The following RORA variants were observed in gnomAD, a reference collection of about 807,000 sequenced individuals.
The protein encoded by RORA is nuclear receptor ROR-alpha.
In RORA, 7 loss-of-function variants were observed where a neutral mutation model predicts 69.5. The ratio of observed to expected loss-of-function variants is 0.10; its 90% CI spans 0.06 to 0.19. RORA has a LOEUF of 0.19. RORA is among the 10% of genes least tolerant of loss of function. The probability of loss-of-function intolerance (pLI) is 1.00; values close to 1 mark genes in which losing one functional copy is unlikely to be tolerated. For synonymous variants in RORA, 261 were observed against 240.8 expected (o/e 1.08, Z -0.78); for missense variants, 457 against 663.0 (o/e 0.69, Z 3.41).
chr15:60,828,588 G>C (rs1321480032), intron 1 of RORA, among the ~76,000 whole-genome samples: 1 of 152,220 alleles, frequency 6.6e-6, no homozygotes, highest in Non-Finnish European at 1.5e-5. Context: ...GCACCACTCT[G>C]CCTGGTTCAG....
At chr15:60,595,901 G>A (rs1013457919) in intron 2 of RORA, among the ~76,000 whole-genome samples, 1 of 152,162 alleles carries the variant, frequency 6.6e-6, no homozygotes, top group African/African-American at 2.4e-5. Flanking sequence ...TGGTGTTCCT[G>A]TGTGCTGGGT....
Position 60,588,113 on chromosome 15 carries a change from C to A in RORA, c.197-56262G>T, listed in dbSNP as rs28375136. Among the ~76,000 whole-genome samples, 521 of 152,244 alleles carry A rather than the reference C, an allele frequency of 3.4e-3. 6 individuals carry two copies. Among genetic ancestry groups the A allele is most frequent in the African/African-American group, 0.011 (455 of 41,558 alleles). Reference sequence around the variant, plus strand: ...ATTCCTCAGAGGGTCTGTATGTGGTCTTTGAGATACTATCAAATGTCAATT... The same window carrying A: ...ATTCCTCAGAGGGTCTGTATGTGGTATTTGAGATACTATCAAATGTCAATT... On this transcript the variant is annotated intron_variant, in intron 2 of 10. Coordinates refer to ENST00000335670, the MANE Select transcript of RORA (RefSeq NM_134261.3).
intron 1 of RORA, among the ~76,000 whole-genome samples, chr15:61,209,787 C>G (rs1000909665): frequency 2.6e-5 from 4 of 152,166 alleles, no homozygotes; most frequent in Non-Finnish European, 4.4e-5. Context: ...CTCAGGAACT[C>G]GATCAGGGGT....
At chr15:60,967,914 C>T (rs1487719865) in intron 1 of RORA, among the ~76,000 whole-genome samples, 1 of 152,174 alleles carries the variant, frequency 6.6e-6, no homozygotes, top group Non-Finnish European at 1.5e-5. Flanking sequence ...ATCTCCCCTG[C>T]CTCCACAGAG....
intron 1 of RORA, among the ~76,000 whole-genome samples, chr15:61,178,256 C>G (rs905056093): frequency 2.0e-5 from 3 of 152,078 alleles, no homozygotes; most frequent in Admixed American, 6.5e-5. Context: ...TAAAGTGATA[C>G]AAAATATTCA....
At chr15:60,932,940 G>A (rs1892417015) in intron 1 of RORA, among the ~76,000 whole-genome samples, 1 of 152,158 alleles carries the variant, frequency 6.6e-6, no homozygotes. Flanking sequence ...GAAGAGTGTT[G>A]ATGGCTTCCT....
At chr15:60,547,971 G>C (rs2067125390) in intron 2 of RORA, 1 of 152,162 alleles carries the variant, frequency 6.6e-6, no homozygotes, top group South Asian at 2.1e-4. Flanking sequence ...AGAAAACTCT[G>C]AGTCTCATGT....
At chr15:60,624,582 T>C (rs113497931) in intron 2 of RORA, among the ~76,000 whole-genome samples, 2,912 of 148,130 alleles carry the variant, frequency 0.02, 81 homozygotes, top group African/African-American at 0.068. Flanking sequence ...ATATTATATA[T>C]ACACACACAC....
chr15:60,995,208 G>A (rs901051613), intron 1 of RORA, among the ~76,000 whole-genome samples: 5 of 151,918 alleles, frequency 3.3e-5, no homozygotes, highest in Non-Finnish European at 7.4e-5. Context: ...TTTCCTTTCC[G>A]CAGATGCTCA....
In RORA at chr15:60,873,213, T is replaced by C. The variant is rs117944180; in HGVS notation, c.167-194527A>G. Among the ~76,000 whole-genome samples, 125 of 151,744 alleles carry C rather than the reference T, an allele frequency of 8.2e-4. No individual in the cohort carries two copies. In the East Asian group the frequency reaches 8.9e-3, roughly 11 times the overall value. ...CTCCACACCAGATTGTGGTCTTCTA[T>C]GGGTAAAGGTCGTGTGTGTGTGTGT... On this transcript the variant is annotated intron_variant, in intron 1 of 10. Transcript: ENST00000335670.
At chr15:60,565,065 G>A (rs1040968205) in intron 2 of RORA, among the ~76,000 whole-genome samples, 10 of 152,042 alleles carry the variant, frequency 6.6e-5, no homozygotes, top group African/African-American at 1.4e-4. Context: ...CTCTAAAGTC[G>A]TCCATCAGAG....
In RORA at chr15:60,770,750, G is replaced by A. The variant is rs2072061215; in HGVS notation, c.167-92064C>T. Among the ~76,000 whole-genome samples the A allele has an allele frequency of 2.0e-5, 3 of 152,184 alleles. 1 individual carries two copies. In the South Asian group the frequency reaches 6.2e-4, roughly 32 times the overall value. ...AGATCCTCCTGCCTCAGCCTCCTGA[G>A]TAGCTGAGACTACGTGAATGCTTCA... is the stretch of plus-strand genomic sequence containing the variant. On this transcript the variant is annotated intron_variant, in intron 1 of 10. Transcript: ENST00000335670.
intron 1 of RORA, among the ~76,000 whole-genome samples, chr15:61,085,926 T>C (rs745706873): frequency 4.5e-4 from 68 of 152,206 alleles, no homozygotes; most frequent in Non-Finnish European, 8.7e-4. Context: ...AATAGCAAAA[T>C]AGGAATAAGA....
chr15:60,872,437 C>G (rs1045613397), intron 1 of RORA, among the ~76,000 whole-genome samples: 2 of 152,252 alleles, frequency 1.3e-5, no homozygotes, highest in East Asian at 1.9e-4. Flanking sequence ...GGAAGTGGGA[C>G]AGCAAGAGAA....
chr15:60,745,919 A>G (rs745390825), intron 1 of RORA, among the ~76,000 whole-genome samples: 24 of 152,140 alleles, frequency 1.6e-4, no homozygotes, highest in Non-Finnish European at 3.4e-4. Context: ...GTGTATTTCC[A>G]GCACTCAGCC....
At chr15:60,752,390 G>C (rs894044921) in intron 1 of RORA, among the ~76,000 whole-genome samples, 4 of 151,996 alleles carry the variant, frequency 2.6e-5, no homozygotes, top group African/African-American at 2.4e-5. Flanking sequence ...GTGTGGCGAC[G>C]GTTGTTTTCC....
At chr15:60,741,440 A>C (rs150532335) in intron 1 of RORA, among the ~76,000 whole-genome samples, 1 of 152,182 alleles carries the variant, frequency 6.6e-6, no homozygotes, top group Non-Finnish European at 1.5e-5. Flanking sequence ...ATGAAAACCA[A>C]GATCAGGGGA....
chr15:60,776,987 G>A (rs562082374), intron 1 of RORA, among the ~76,000 whole-genome samples: 1 of 152,168 alleles, frequency 6.6e-6, no homozygotes, highest in South Asian at 2.1e-4. Context: ...ATGAGTATTT[G>A]TCTGTTTATC....
chr15:60,806,633 T>C (rs2072663459), intron 1 of RORA, among the ~76,000 whole-genome samples: 2 of 152,180 alleles, frequency 1.3e-5, no homozygotes. Context: ...CCTGCAACAA[T>C]GCTACAAAGT....
Sources: gnomAD v4.1 joint callset for allele counts (sites outside exome capture counted in the v4.1 genomes callset) on GRCh38, gnomAD v4.1.1 for gene constraint, MANE v1.5 for transcripts, NCBI Gene and HGNC (gene_info 2026-07-23, HGNC 2026-07-21) for gene names.